The following WDR49 variants were observed in gnomAD, a reference collection of about 807,000 sequenced individuals.
WDR49 encodes cilia- and flagella-associated protein 337.
WDR49 carries 107 observed loss-of-function variants against 119.5 expected under a neutral mutation model. That is an observed-to-expected ratio of 0.90 (90% CI 0.77 to 1.05). WDR49 has a LOEUF of 1.05. Among genes scored for constraint, WDR49 ranks in the 50% least tolerant of loss-of-function variants. WDR49 has a pLI of 0.00. For synonymous variants in WDR49, 425 were observed against 418.8 expected (o/e 1.01, Z -0.18); for missense variants, 1,240 against 1,220.5 (o/e 1.02, Z -0.24).
At chr3:167,599,681 T>C (rs1309287250) in intron 7 of WDR49, among the ~76,000 whole-genome samples, 2 of 152,208 alleles carry the variant, frequency 1.3e-5, no homozygotes, top group Non-Finnish European at 2.9e-5. Flanking sequence ...TAATATTCCA[T>C]GTCTCACCTG....
intron 18 of WDR49, among the ~76,000 whole-genome samples, chr3:167,486,368 A>G (rs1312061641): frequency 3.3e-5 from 5 of 152,156 alleles, no homozygotes; most frequent in African/African-American, 1.2e-4. Flanking sequence ...ACAACCAGCT[A>G]AGAACATAAT....
chr3:167,520,946 T>G (rs1222233964), intron 16 of WDR49, among the ~76,000 whole-genome samples: 10 of 152,104 alleles, frequency 6.6e-5, no homozygotes. Context: ...TTTTCTCTTT[T>G]TCATTTCTAG....
chr3:167,566,371 A>T (rs1248127616), intron 8 of WDR49, among the ~76,000 whole-genome samples: 7 of 152,212 alleles, frequency 4.6e-5, no homozygotes, highest in Non-Finnish European at 1.0e-4. Flanking sequence ...GCAATGAAAT[A>T]CTATGCATCT....
Position 167,500,184 on chromosome 3 carries a change from G to A in WDR49, c.3000C>T (p.Pro1000=), listed in dbSNP as rs763241351. The A allele has an allele frequency of 6.3e-7, 1 of 1,577,802 alleles. No homozygotes were observed. The highest frequency in any genetic ancestry group is 8.6e-7 in the Non-Finnish European group (1 of 1,169,428). The change falls in exon 18 of 19, where the codon CCC becomes CCT. Residue 1000 remains proline, a synonymous_variant. Transcript: ENST00000682715. ...YFRKEPEEER[P]QILEAPSLFK... ...AAAGTGACGGGGCCTCCAGAATTTGGGGACGCTCTTCCTCTGGTTCTTTCC... is the reference window on the plus strand; with the variant it reads ...AAAGTGACGGGGCCTCCAGAATTTGAGGACGCTCTTCCTCTGGTTCTTTCC...
At chr3:167,571,425 A>G (rs1457692009) in intron 8 of WDR49, among the ~76,000 whole-genome samples, 2 of 152,202 alleles carry the variant, frequency 1.3e-5, no homozygotes, top group African/African-American at 2.4e-5. Context: ...CTGATATTGC[A>G]TATCCTTTAG....
At chr3:167,596,653 A>G (rs1317343289) in intron 7 of WDR49, among the ~76,000 whole-genome samples, 2 of 139,886 alleles carry the variant, frequency 1.4e-5, no homozygotes, top group Non-Finnish European at 3.1e-5. Flanking sequence ...TCTCACTCAT[A>G]GGTGGGAATT....
At chr3:167,516,734 C>T (rs963834733) in intron 16 of WDR49, among the ~76,000 whole-genome samples, 3 of 151,864 alleles carry the variant, frequency 2.0e-5, no homozygotes, top group Non-Finnish European at 4.4e-5. Flanking sequence ...ATTAAACTAA[C>T]GACCTTCTGC....
intron 7 of WDR49, among the ~76,000 whole-genome samples, chr3:167,589,939 T>G (rs563975911): frequency 7.6e-4 from 116 of 152,224 alleles, no homozygotes; most frequent in African/African-American, 2.6e-3. Flanking sequence ...TAGCTAGGAC[T>G]TACAGTACTA....
chr3:167,653,121 G>A, intron 2 of WDR49, 140 bp downstream of exon 2: 5 of 981,378 alleles, frequency 5.1e-6, no homozygotes, highest in Non-Finnish European at 7.5e-6. Context: ...GTTAAATCCA[G>A]GCCTAACCAA....
chr3:167,649,812 A>G (rs1718286669), intron 2 of WDR49, among the ~76,000 whole-genome samples: 1 of 152,174 alleles, frequency 6.6e-6, no homozygotes, highest in Admixed American at 6.6e-5. Context: ...AAAGCTAAAG[A>G]TTTAGTAGGG....
intron 7 of WDR49, among the ~76,000 whole-genome samples, chr3:167,597,788 T>G (rs1056402158): frequency 6.6e-6 from 1 of 152,188 alleles, no homozygotes; most frequent in African/African-American, 2.4e-5. Context: ...TTGTAGCCCC[T>G]TTGTTGTGGC....
chr3:167,575,869 T>C, intron 8 of WDR49, 49 bp downstream of exon 8: 2 of 1,575,622 alleles, frequency 1.3e-6, no homozygotes, highest in Non-Finnish European at 1.7e-6. Flanking sequence ...AATGAGCCTC[T>C]GGACTTGGAG....
intron 18 of WDR49, among the ~76,000 whole-genome samples, chr3:167,480,441 T>C (rs1750664177): frequency 6.6e-6 from 1 of 152,114 alleles, no homozygotes; most frequent in Non-Finnish European, 1.5e-5. Context: ...TGAATGACTT[T>C]ACAGTATAGT....
intron 17 of WDR49, among the ~76,000 whole-genome samples, chr3:167,503,079 C>T (rs1167492993): frequency 6.6e-6 from 1 of 152,194 alleles, no homozygotes; most frequent in East Asian, 1.9e-4. Context: ...TTCTCCATAT[C>T]CGTGCAGCTC....
chr3:167,507,410 T>C (rs1751813380), intron 16 of WDR49, among the ~76,000 whole-genome samples: 1 of 152,120 alleles, frequency 6.6e-6, no homozygotes, highest in African/African-American at 2.4e-5. Context: ...TATTTTAAGA[T>C]AGTAAGGGGA....
intron 5 of WDR49, among the ~76,000 whole-genome samples, chr3:167,610,777 T>C (rs375128444): frequency 9.8e-5 from 15 of 152,328 alleles, no homozygotes; most frequent in Middle Eastern, 3.4e-3. Context: ...AGCACAGTCA[T>C]AGTAGTAGTG....
chr3:167,500,180 T>C lies in WDR49; in HGVS notation c.3004A>G (p.Ile1002Val). The change falls in exon 18 of 19, where the codon ATT (isoleucine) becomes GTT (valine). Residue 1002 changes from isoleucine (I) to valine (V), a missense_variant. Ile to Val is a conservative substitution (Grantham distance 29). Transcript: ENST00000682715. Reference sequence around the variant, plus strand: ...TTAAAAAGTGACGGGGCCTCCAGAATTTGGGGACGCTCTTCCTCTGGTTCT... The same window carrying C: ...TTAAAAAGTGACGGGGCCTCCAGAACTTGGGGACGCTCTTCCTCTGGTTCT... Reference protein sequence around the residue: ...RKEPEEERPQILEAPSLFKTL... With the variant: ...RKEPEEERPQVLEAPSLFKTL... 6.3e-7 allele frequency: 1 copy of C among 1,575,292 alleles called. No homozygotes were observed. The highest frequency in any genetic ancestry group is 8.6e-7 in the Non-Finnish European group (1 of 1,168,758).
intron 7 of WDR49, among the ~76,000 whole-genome samples, chr3:167,586,493 T>C (rs1210631714): frequency 6.6e-6 from 1 of 152,240 alleles, no homozygotes; most frequent in Non-Finnish European, 1.5e-5. Context: ...GAAAATTTTG[T>C]AGATTTAAAT....
chr3:167,627,027 T>C lies in WDR49; in HGVS notation c.431A>G (p.Gln144Arg). 1 of 1,332,442 alleles carries C rather than the reference T, an allele frequency of 7.5e-7. No homozygotes were observed. Among genetic ancestry groups the C allele is most frequent in the East Asian group, 2.8e-5 (1 of 35,444 alleles). 82.5% of individuals were successfully genotyped at this position (1,332,442 alleles called of 1,614,324 possible). Reference protein sequence around the residue: ...FLPVKHKDTIQKVIFLKNSSH... With the variant: ...FLPVKHKDTIRKVIFLKNSSH... ...TGAATTTTTTAAGAAAATTACTTTT[T>C]GAATGGTGTCCTTGTGTTTTACTGG... Residue 144 changes from glutamine (Q) to arginine (R), a missense_variant, in exon 3 of 19, where the codon CAA (glutamine) becomes CGA (arginine). Transcript: ENST00000682715.
Sources: gnomAD v4.1 joint callset for allele counts (sites outside exome capture counted in the v4.1 genomes callset) on GRCh38, gnomAD v4.1.1 for gene constraint, MANE v1.5 for transcripts, NCBI Gene and HGNC (gene_info 2026-07-23, HGNC 2026-07-21) for gene names.